ABCA5: variants seen among roughly 807,000 people sequenced by gnomAD.
The protein encoded by ABCA5 is ATP binding cassette subfamily A member 5, also known as cholesterol transporter ABCA5.
In ABCA5, 163 loss-of-function variants were observed where a neutral mutation model predicts 206.0. The observed-to-expected ratio is 0.79, with a 90% CI of 0.70 to 0.90. The LOEUF is 0.90. ABCA5 is among the 40% of genes least tolerant of loss of function. ABCA5 has a pLI of 0.00. For synonymous variants in ABCA5, 609 were observed against 613.8 expected (o/e 0.99, Z 0.11); for missense variants, 1,859 against 1,912.9 (o/e 0.97, Z 0.53).
chr17:69,262,901 T>C (rs886274052), intron 24 of ABCA5, among the ~76,000 whole-genome samples: 4 of 152,118 alleles, frequency 2.6e-5, no homozygotes, highest in Non-Finnish European at 4.4e-5. Flanking sequence ...CAGCATCTGT[T>C]GGTTTTGACT....
chr17:69,289,731 T>C (rs1330963388), intron 13 of ABCA5, 131 bp downstream of exon 13: 2 of 722,700 alleles, frequency 2.8e-6, no homozygotes, highest in Admixed American at 3.4e-5. Context: ...TTCTTTGTAA[T>C]AGCTTTCTGT....
chr17:69,288,992 T>TA (rs936578392), intron 14 of ABCA5, among the ~76,000 whole-genome samples, 185 bp downstream of exon 14: 1 of 152,088 alleles, frequency 6.6e-6, no homozygotes, highest in Non-Finnish European at 1.5e-5. Flanking sequence ...CTACTAAAAT[T>TA]AAAAAAAGTT....
Position 69,244,411 on chromosome 17 carries a change from TG to T in ABCA5, c.*3125del, listed in dbSNP as rs924591947. On this transcript the variant is annotated 3_prime_UTR_variant, in exon 39 of 39. Transcript: ENST00000392676. ...ATTCACTTCAGTATACAAAATGACT[TG>T]TCTTAAATTTTCAACTCTTAAAGCT... 1 of 151,978 alleles carries T rather than the reference TG, an allele frequency of 6.6e-6. No individual in the cohort carries two copies. The highest frequency in any genetic ancestry group is 2.4e-5 in the African/African-American group (1 of 41,432). 9.4% of individuals were successfully genotyped at this position (151,978 alleles called of 1,614,324 possible). A position where few individuals can be genotyped will look rare whatever the true frequency, so the allele number is the denominator to read the frequency against.
At chr17:69,259,854 T>C (rs2144909607) in intron 27 of ABCA5, 57 bp from the exon 28 acceptor site, 1 of 1,159,406 alleles carries the variant, frequency 8.6e-7, no homozygotes, top group South Asian at 1.6e-5. Context: ...GTTGTTGTTG[T>C]TTTTTCCTTT....
chr17:69,276,180 G>A (rs1040514642), intron 19 of ABCA5, among the ~76,000 whole-genome samples: 6 of 152,066 alleles, frequency 3.9e-5, no homozygotes, highest in Admixed American at 1.3e-4. Flanking sequence ...TCCGCTTCCC[G>A]AGTTCAGGCA....
intron 3 of ABCA5, 116 bp from the exon 4 acceptor site, chr17:69,309,539 T>A (rs1284507822): frequency 1.1e-5 from 9 of 825,050 alleles, no homozygotes; most frequent in Non-Finnish European, 1.6e-5. Flanking sequence ...TTGCTATATT[T>A]ACTTCTTAAA....
chr17:69,303,399 G>A (rs1227267231), intron 7 of ABCA5, among the ~76,000 whole-genome samples: 1 of 151,972 alleles, frequency 6.6e-6, no homozygotes, highest in Non-Finnish European at 1.5e-5. Flanking sequence ...TTACGGGTGT[G>A]AGCCACCACA....
intron 28 of ABCA5, among the ~76,000 whole-genome samples, chr17:69,257,390 C>A (rs1468216143): frequency 2.0e-5 from 3 of 147,792 alleles, no homozygotes; most frequent in Non-Finnish European, 3.0e-5. Flanking sequence ...GTAAGGAGAA[C>A]AATGTCAATC....
In ABCA5 at chr17:69,287,692, C is replaced by G; in HGVS notation, c.1962G>C (p.Trp654Cys). The G allele has an allele frequency of 6.2e-7, 1 of 1,613,862 alleles. No individual in the cohort carries two copies. The highest frequency in any genetic ancestry group is 8.5e-7 in the Non-Finnish European group (1 of 1,179,888). ...TGGCTTTTCTGTATTTTAAAAGATT[C>G]CATACAATATGTCGAGAACAGGGGT... ...GMDPCSRHIVWNLLKYRKANR... is the reference protein window; with the variant it reads ...GMDPCSRHIVCNLLKYRKANR... Residue 654 changes from tryptophan to cysteine, a missense_variant, in exon 15 of 39, where the codon TGG becomes TGC. Trp to Cys is a radical substitution (Grantham distance 215). Coordinates refer to ENST00000392676, the MANE Select transcript of ABCA5 (RefSeq NM_172232.4).
chr17:69,276,484 A>G (rs1030721791), intron 19 of ABCA5, among the ~76,000 whole-genome samples: 1 of 152,198 alleles, frequency 6.6e-6, no homozygotes, highest in African/African-American at 2.4e-5. Flanking sequence ...ATAAAAAAGG[A>G]TGAGTTCATG....
intron 11 of ABCA5, 23 bp from the exon 12 acceptor site, chr17:69,291,349 T>C: frequency 6.9e-7 from 1 of 1,458,478 alleles, no homozygotes; most frequent in South Asian, 1.2e-5. Flanking sequence ...AAAAGAAGAC[T>C]CAAATGTAAT....
Position 69,326,501 on chromosome 17 carries a change from G to C in ABCA5, c.-16+551C>G, listed in dbSNP as rs1283758333. 6.6e-6 allele frequency among the ~76,000 whole-genome samples: 1 copy of C among 152,160 alleles called. No individual in the cohort carries two copies. The highest frequency in any genetic ancestry group is 1.5e-5 in the Non-Finnish European group (1 of 68,028). On this transcript the variant is annotated intron_variant, in intron 1 of 38. Coordinates refer to ENST00000392676, the MANE Select transcript of ABCA5 (RefSeq NM_172232.4). This position sits in a 1 kb window ranked among gnomAD's most constrained non-coding sequence, Gnocchi z 4.8. Reference sequence around the variant, plus strand: ...AGCTCCTATTCGTGTTTTAGGATCAGGGAATTTCCCTCCCAAACTGTGTCA... The same window carrying C: ...AGCTCCTATTCGTGTTTTAGGATCACGGAATTTCCCTCCCAAACTGTGTCA...
chr17:69,267,358 A>C (rs575150217), intron 23 of ABCA5, among the ~76,000 whole-genome samples: 4 of 152,154 alleles, frequency 2.6e-5, no homozygotes, highest in African/African-American at 9.7e-5. Flanking sequence ...TGAACAACCA[A>C]AGACTGTACA....
At position 69,254,357 on chromosome 17, in the gene ABCA5, A is replaced by G; in HGVS notation, c.4202T>C (p.Val1401Ala). The change falls in exon 32 of 39, where the codon GTC (valine) becomes GCC (alanine). Residue 1401 changes from valine (V) to alanine (A), a missense_variant. Coordinates refer to ENST00000392676, the MANE Select transcript of ABCA5 (RefSeq NM_172232.4). ...CATGTCACTTGCACTCATTCCTTTGACAGCTCCATAAATTTCAAAATGTTC... is the reference window on the plus strand; with the variant it reads ...CATGTCACTTGCACTCATTCCTTTGGCAGCTCCATAAATTTCAAAATGTTC... ...LQEHFEIYGA[V>A]KGMSASDMKE... 6.2e-7 allele frequency: 1 copy of G among 1,613,524 alleles called. No individual in the cohort carries two copies. The highest frequency in any genetic ancestry group is 1.1e-5 in the South Asian group (1 of 90,980).
At position 69,264,840 on chromosome 17, in the gene ABCA5, A is replaced by G. The variant is rs373213071; in HGVS notation, c.3210T>C (p.Ala1070=). The part of the protein sequence containing the change: ...LLPSAYWIGQ[A]VVDIPLFFII... ...TAAAAAATAAGGGGATATCAACAAC[A>G]GCTTGTCCAATCCAATATGCAGATG... is the stretch of plus-strand genomic sequence containing the variant. The change falls in exon 24 of 39, where the codon GCT becomes GCC. Residue 1070 remains alanine (A), a synonymous_variant. Transcript: ENST00000392676. The G allele has an allele frequency of 5.4e-5, 87 of 1,600,266 alleles. No homozygotes were observed. The highest frequency in any genetic ancestry group is 7.3e-5 in the Non-Finnish European group (86 of 1,173,714).
intron 3 of ABCA5, among the ~76,000 whole-genome samples, chr17:69,310,872 C>A (rs1241527664): frequency 6.6e-6 from 1 of 152,110 alleles, no homozygotes; most frequent in African/African-American, 2.4e-5. Context: ...TTGTGAAGAA[C>A]AAGTGAAGTA....
chr17:69,311,394 T>C (rs1448459779), intron 3 of ABCA5, among the ~76,000 whole-genome samples: 2 of 152,178 alleles, frequency 1.3e-5, no homozygotes, highest in Non-Finnish European at 2.9e-5. Flanking sequence ...TTGTTAAAAA[T>C]ACAGAAGTCT....
chr17:69,260,501 T>TGTACTTTCTA (rs1457750361), intron 26 of ABCA5, 89 bp from the exon 27 acceptor site: 2 of 881,358 alleles, frequency 2.3e-6, no homozygotes, highest in Non-Finnish European at 3.5e-6. Flanking sequence ...TTAGCAAACG[T>TGTACTTTCTA]GTACTTTCTA....
chr17:69,270,470 A>T, intron 22 of ABCA5, 143 bp downstream of exon 22: 1 of 702,590 alleles, frequency 1.4e-6, no homozygotes, highest in Non-Finnish European at 2.3e-6. Context: ...CTTAATGTAA[A>T]CCGTTTCTCA....
Sources: gnomAD v4.1 joint callset for allele counts (sites outside exome capture counted in the v4.1 genomes callset) on GRCh38, gnomAD v4.1.1 for gene constraint, Gnocchi (gnomAD v3.1) non-coding constraint, MANE v1.5 for transcripts, NCBI Gene and HGNC (gene_info 2026-07-23, HGNC 2026-07-21) for gene names.